Variants in PDE4DIP observed in about 807,000 individuals in gnomAD.
The protein encoded by PDE4DIP is myomegalin.
Under a neutral mutation model 221.4 loss-of-function variants are expected in PDE4DIP, and 59 were observed. The ratio of observed to expected loss-of-function variants is 0.27; its 90% confidence interval spans 0.22 to 0.33. The LOEUF (loss-of-function observed/expected upper bound fraction) is 0.33, where lower values mean the gene tolerates loss of function less well. Ranked by LOEUF, PDE4DIP falls within the 10% of genes least tolerant of loss-of-function variation. The pLI is 1.00. For missense variants in PDE4DIP, 1,036 were observed against 2,154.2 expected, an observed-to-expected ratio of 0.48 and a Z score of 10.28; for synonymous variants, 404 against 815.9, an observed-to-expected ratio of 0.50 and a Z score of 8.60.
At chr1:148,981,161 T>G (rs2061009559) in intron 20 of PDE4DIP, 109 bp from the exon 24 acceptor site, 1 of 971,140 alleles carries the variant, frequency 1.0e-6, no homozygotes, top group East Asian at 2.4e-5. Context: ...ACAATTACTT[T>G]ACAAAGTCGT....
In PDE4DIP at chr1:149,012,993, G is replaced by A. The variant is rs587748315; in HGVS notation, c.5266+217G>A. Among the ~76,000 whole-genome samples, 5 of 151,944 alleles carry A rather than the reference G, an allele frequency of 3.3e-5. No individual in the cohort carries two copies. The South Asian group carries it at 6.3e-4, about 19-fold the overall frequency. ...TCAGTTAACAGGTAGATATGTTCAC[G>A]AGGCTCTAGACCTGGTGCTCTCACA... On this transcript the variant is annotated intron_variant, in intron 32 of 43. Transcript: ENST00000369354.
At position 148,980,833 on chromosome 1, in the gene PDE4DIP, C is replaced by T. The variant is rs1231183536; in HGVS notation, c.2688-437C>T. ...ATTCCTTTTCAGCACACCATCCCAC[C>T]GTCAAGTTTGGTAACAAATGAGAAA... On this transcript the variant is annotated intron_variant, in intron 20 of 43. Coordinates refer to ENST00000369354, the Ensembl canonical transcript of PDE4DIP. 5.3e-5 allele frequency among the ~76,000 whole-genome samples: 8 copies of T among 152,258 alleles called. No homozygotes were observed. In the East Asian group the frequency reaches 1.2e-3, roughly 22 times the overall value.
chr1:149,023,048 T>C (rs1376285249), intron 37 of PDE4DIP, among the ~76,000 whole-genome samples: 2 of 152,298 alleles, frequency 1.3e-5, no homozygotes, highest in African/African-American at 2.4e-5. Flanking sequence ...AAGAGTAGAT[T>C]ATTTACCAAA....
intron 14 of PDE4DIP, among the ~76,000 whole-genome samples, chr1:148,969,502 G>C (rs2058789443): frequency 6.6e-6 from 1 of 151,768 alleles, no homozygotes; most frequent in Non-Finnish European, 1.5e-5. Context: ...TTTCGATTTT[G>C]ATTCTAAATT....
At chr1:148,914,914 G>T (rs1182045996) in intron 1 of PDE4DIP, among the ~76,000 whole-genome samples, 3 of 127,522 alleles carry the variant, frequency 2.4e-5, no homozygotes, top group Non-Finnish European at 4.9e-5. Context: ...CCATTAGAAA[G>T]TGAAATATTG....
At chr1:148,923,598 C>G (rs1446188749) in intron 1 of PDE4DIP, among the ~76,000 whole-genome samples, 1 of 130,326 alleles carries the variant, frequency 7.7e-6, no homozygotes, top group East Asian at 1.9e-4. Flanking sequence ...CTCAGCCTCT[C>G]AAGTAGCTGG....
exon 34 of PDE4DIP, chr1:149,017,824 T>C (rs1553613222): frequency 1.2e-6 from 2 of 1,613,538 alleles, no homozygotes; most frequent in Non-Finnish European, 1.7e-6. Flanking sequence ...TCTGCATCAA[T>C]GACCGCCTAC....
At chr1:149,030,056 C>T in intron 42 of PDE4DIP, 131 bp downstream of exon 45, 1 of 1,056,118 alleles carries the variant, frequency 9.5e-7, no homozygotes, top group Non-Finnish European at 1.4e-6. Flanking sequence ...GTCCCCAAAC[C>T]TCCTGTACCA....
Position 148,934,846 on chromosome 1 carries a change from C to T in PDE4DIP, c.518+2558C>T, listed in dbSNP as rs879963883. Reference sequence around the variant, plus strand: ...CTCAAACTCCTGACCTCAGGTGATCCGCCTGCCTCAGCCTCCCAAAGTGCT... The same window carrying T: ...CTCAAACTCCTGACCTCAGGTGATCTGCCTGCCTCAGCCTCCCAAAGTGCT... On this transcript the variant is annotated intron_variant, in intron 4 of 43. Coordinates refer to ENST00000369354, the Ensembl canonical transcript of PDE4DIP. Among the ~76,000 whole-genome samples, 26 of 152,048 alleles carry T rather than the reference C, an allele frequency of 1.7e-4. No individual in the cohort carries two copies. The South Asian group carries it at 1.9e-3, about 11-fold the overall frequency.
exon 19 of PDE4DIP, chr1:148,978,372 T>G (rs1378338428): frequency 6.2e-7 from 1 of 1,611,726 alleles, no homozygotes; most frequent in South Asian, 1.1e-5. Flanking sequence ...GTTGCTTCAG[T>G]AGAATCCCAG....
At chr1:148,999,468 C>T (rs2065100793) in intron 23 of PDE4DIP, among the ~76,000 whole-genome samples, 1 of 152,228 alleles carries the variant, frequency 6.6e-6, no homozygotes, top group Non-Finnish European at 1.5e-5. Flanking sequence ...TTTCAAGTGA[C>T]TTGCTCAAGG....
At chr1:148,946,124 A>G (rs1392589116) in intron 5 of PDE4DIP, among the ~76,000 whole-genome samples, 2 of 152,306 alleles carry the variant, frequency 1.3e-5, no homozygotes, top group East Asian at 3.9e-4. Flanking sequence ...ATCTGGCTCA[A>G]TCTTTGCAGT....
chr1:148,947,880 G>C (rs1214487544), intron 5 of PDE4DIP, among the ~76,000 whole-genome samples: 86 of 150,900 alleles, frequency 5.7e-4, no homozygotes, highest in Admixed American at 1.1e-3. Context: ...GGTTTTCAAA[G>C]TGTGATTCCC....
At chr1:148,905,174 C>G (rs1225232466) in intron 1 of PDE4DIP, among the ~76,000 whole-genome samples, 2,171 of 108,648 alleles carry the variant, frequency 0.02, no homozygotes, top group Admixed American at 0.1. Flanking sequence ...TCCATCTCTT[C>G]TAGGTTTTTT....
chr1:148,938,624 T>C (rs2049819017), intron 5 of PDE4DIP, among the ~76,000 whole-genome samples: 1 of 152,384 alleles, frequency 6.6e-6, no homozygotes, highest in Admixed American at 6.5e-5. Flanking sequence ...AAACTATGGG[T>C]TCAAATAAAC....
chr1:148,992,382 G>A lies in PDE4DIP; in HGVS notation c.2904+409G>A, dbSNP rs587648923. ...CTGCTCGGGGAGGTGGCAGGGCGGA[G>A]GACCTGCTTGGGAAGAAACTCCAAG... On this transcript the variant is annotated intron_variant, in intron 22 of 43. Coordinates refer to ENST00000369354, the Ensembl canonical transcript of PDE4DIP. 1.1e-4 allele frequency: 156 copies of A among 1,484,202 alleles called. No homozygotes were observed. The East Asian group carries it at 3.5e-3, about 34-fold the overall frequency. The allele number at this position is 1,484,202 out of a possible 1,614,324, so 91.9% of individuals were successfully genotyped here. A position where few individuals can be genotyped will look rare whatever the true frequency, so the allele number is the denominator to read the frequency against.
chr1:148,927,054 G>C (rs3927880), intron 1 of PDE4DIP, among the ~76,000 whole-genome samples: 2 of 148,762 alleles, frequency 1.3e-5, no homozygotes, highest in African/African-American at 5.0e-5. Flanking sequence ...TAGCGTTTAA[G>C]TTATGTCTCA....
intron 17 of PDE4DIP, among the ~76,000 whole-genome samples, chr1:148,975,260 A>G (rs2059940478): frequency 6.8e-6 from 1 of 147,736 alleles, no homozygotes; most frequent in African/African-American, 2.5e-5. Context: ...ATGACATTAG[A>G]TCCGTGAAAT....
intron 27 of PDE4DIP, 175 bp from the exon 31 acceptor site, chr1:149,007,026 C>T (rs2067241945): frequency 1.8e-6 from 1 of 561,224 alleles, no homozygotes; most frequent in Non-Finnish European, 3.2e-6. Context: ...TAATGCAATA[C>T]TTTATCAGGG....
Sources: gnomAD v4.1 joint callset for allele counts (sites outside exome capture counted in the v4.1 genomes callset) on GRCh38, gnomAD v4.1.1 for gene constraint, MANE v1.5 for transcripts, NCBI Gene and HGNC (gene_info 2026-07-23, HGNC 2026-07-21) for gene names.